Variants in COL22A1 observed in about 807,000 individuals in gnomAD.
The protein encoded by COL22A1 is collagen type XXII alpha 1 chain.
Under a neutral mutation model 248.9 loss-of-function variants are expected in COL22A1, and 221 were observed. The ratio of observed to expected loss-of-function variants is 0.89; its 90% confidence interval spans 0.80 to 0.99. The LOEUF (loss-of-function observed/expected upper bound fraction) is 0.99, where lower values mean the gene tolerates loss of function less well. Among genes scored for constraint, COL22A1 ranks in the 50% least tolerant of loss-of-function variants. The pLI is 0.00. For synonymous variants in COL22A1, 891 were observed against 793.4 expected (o/e 1.12, Z -2.07); for missense variants, 2,240 against 2,179.0 (o/e 1.03, Z -0.56).
At chr8:138,741,693 T>C (rs1831571478) in intron 22 of COL22A1, among the ~76,000 whole-genome samples, 1 of 152,250 alleles carries the variant, frequency 6.6e-6, no homozygotes, top group African/African-American at 2.4e-5. Flanking sequence ...TAGTGGGTGA[T>C]AGACTGTGTG....
intron 47 of COL22A1, among the ~76,000 whole-genome samples, chr8:138,637,326 C>A (rs913705019): frequency 2.6e-5 from 4 of 152,104 alleles, no homozygotes; most frequent in African/African-American, 7.2e-5. Context: ...AGATGGTGGC[C>A]AGCAGGAGCA....
At chr8:138,660,589 G>C in intron 43 of COL22A1, 109 bp from the exon 44 acceptor site, 2 of 947,930 alleles carry the variant, frequency 2.1e-6, no homozygotes, top group South Asian at 3.0e-5. Flanking sequence ...ACTCAGTGGG[G>C]AAAAAAAATC....
intron 39 of COL22A1, among the ~76,000 whole-genome samples, chr8:138,680,619 C>A (rs1259096145): frequency 1.3e-5 from 2 of 152,136 alleles, no homozygotes; most frequent in African/African-American, 4.8e-5. Flanking sequence ...TTTCAATCAG[C>A]ACCTGGGACA....
intron 3 of COL22A1, among the ~76,000 whole-genome samples, chr8:138,870,986 AG>A (rs1183797538): frequency 6.6e-6 from 1 of 151,918 alleles, no homozygotes; most frequent in Non-Finnish European, 1.5e-5. Flanking sequence ...AGGGAGTCTC[AG>A]GCCAGGCAGA....
At chr8:138,652,734 G>GTTTT (rs1564146836) in intron 45 of COL22A1, among the ~76,000 whole-genome samples, 2 of 45,876 alleles carry the variant, frequency 4.4e-5, no homozygotes, top group African/African-American at 9.1e-5. Flanking sequence ...TTCCTTTTCT[G>GTTTT]GTTTTTTTTT....
intron 1 of COL22A1, among the ~76,000 whole-genome samples, chr8:138,893,178 G>A (rs928934780): frequency 6.6e-6 from 1 of 152,222 alleles, no homozygotes; most frequent in Non-Finnish European, 1.5e-5. Flanking sequence ...CTTGGAGCAA[G>A]TCCTCTTCAG....
intron 22 of COL22A1, among the ~76,000 whole-genome samples, chr8:138,749,916 C>T (rs1832450921): frequency 6.6e-6 from 1 of 152,162 alleles, no homozygotes; most frequent in South Asian, 2.1e-4. Flanking sequence ...TGTGTCCCCA[C>T]CCAAATCTCA....
intron 3 of COL22A1, among the ~76,000 whole-genome samples, chr8:138,853,016 A>G (rs1563845343): frequency 6.6e-6 from 1 of 150,536 alleles, no homozygotes; most frequent in Non-Finnish European, 1.5e-5. Context: ...ATATACATGC[A>G]CATACAAAAA....
intron 32 of COL22A1, among the ~76,000 whole-genome samples, chr8:138,699,843 A>G (rs1827808038): frequency 6.6e-6 from 1 of 152,242 alleles, no homozygotes; most frequent in African/African-American, 2.4e-5. Context: ...TGAAGAATTA[A>G]CTTTTCCCAG....
chr8:138,632,046 A>G (rs1053884615), intron 49 of COL22A1, among the ~76,000 whole-genome samples: 2 of 152,236 alleles, frequency 1.3e-5, no homozygotes, highest in African/African-American at 4.8e-5. Context: ...ACAAATTCAC[A>G]CATGTGCCTC....
At position 138,598,838 on chromosome 8, in the gene COL22A1, G is replaced by C. The variant is rs767697102; in HGVS notation, c.4246C>G (p.Pro1416Ala). The C allele has an allele frequency of 6.8e-6, 11 of 1,614,016 alleles. No homozygotes were observed. The highest frequency in any genetic ancestry group is 5.1e-6 in the Non-Finnish European group (6 of 1,180,032). Residue 1416 changes from proline (P) to alanine (A), a missense_variant, in exon 61 of 65, where the codon CCT becomes GCT. Coordinates refer to ENST00000303045, the MANE Select transcript of COL22A1 (RefSeq NM_152888.3). ...TGGCCTTTGTGGCCTGGGATTCCAG[G>C]GTCCCCAGGCTGGCCTTTTCCACCA... The part of the protein sequence containing the change: ...PPGGKGQPGD[P>A]GIPGHKGHTG...
At chr8:138,724,851 G>A (rs893140287) in intron 24 of COL22A1, among the ~76,000 whole-genome samples, 183 bp from the exon 25 acceptor site, 6 of 152,206 alleles carry the variant, frequency 3.9e-5, no homozygotes, top group South Asian at 2.1e-4. Context: ...TGACACGTCC[G>A]TGGCTTGTGC....
intron 55 of COL22A1, among the ~76,000 whole-genome samples, chr8:138,615,404 G>A (rs1041531339): frequency 6.6e-6 from 1 of 151,988 alleles, no homozygotes; most frequent in East Asian, 1.9e-4. Flanking sequence ...GGTGGCAGGT[G>A]CCTCTAGTCC....
At chr8:138,775,437 T>C (rs904694079) in intron 16 of COL22A1, among the ~76,000 whole-genome samples, 30 of 152,216 alleles carry the variant, frequency 2.0e-4, no homozygotes, top group African/African-American at 6.3e-4. Flanking sequence ...TCCTCAGACA[T>C]GTTGGTTGCA....
chr8:138,625,522 G>A lies in COL22A1; in HGVS notation c.3717+668C>T, dbSNP rs529607833. Among the ~76,000 whole-genome samples, 3 of 152,302 alleles carry A rather than the reference G, an allele frequency of 2.0e-5. No homozygotes were observed. In the South Asian group the frequency reaches 6.2e-4, roughly 32 times the overall value. On this transcript the variant is annotated intron_variant, in intron 51 of 64. Transcript: ENST00000303045. ...GCCTTGAACAGCTCGACTCTAATGA[G>A]AAGGATATTAAATGGAAAAGTTCAG... is the stretch of plus-strand genomic sequence containing the variant.
intron 56 of COL22A1, among the ~76,000 whole-genome samples, chr8:138,609,965 C>G (rs577321121): frequency 1.5e-4 from 23 of 152,320 alleles, no homozygotes; most frequent in African/African-American, 5.5e-4. Flanking sequence ...CCTTTTCAAC[C>G]CTTTTGAGCT....
chr8:138,778,022 C>G (rs1435029511), intron 15 of COL22A1: 2 of 412,006 alleles, frequency 4.9e-6, no homozygotes, highest in Admixed American at 7.4e-5. Flanking sequence ...GAGTACAGTA[C>G]AGGACAGGCT....
intron 12 of COL22A1, 48 bp from the exon 13 acceptor site, chr8:138,781,028 AG>A (rs776296870): frequency 9.6e-6 from 13 of 1,359,356 alleles, no homozygotes; most frequent in African/African-American, 1.4e-5. Context: ...TAACTGAGAC[AG>A]GCTCTCAGAA....
chr8:138,735,788 G>A (rs191065127), intron 23 of COL22A1, among the ~76,000 whole-genome samples: 103 of 152,324 alleles, frequency 6.8e-4, no homozygotes, highest in Admixed American at 6.0e-3. Flanking sequence ...TGCATCCAAG[G>A]TGCCATCTTT....
Sources: gnomAD v4.1 joint callset for allele counts (sites outside exome capture counted in the v4.1 genomes callset) on GRCh38, gnomAD v4.1.1 for gene constraint, MANE v1.5 for transcripts, NCBI Gene and HGNC (gene_info 2026-07-23, HGNC 2026-07-21) for gene names.